The following SYCP1 variants were observed in gnomAD, a reference collection of about 807,000 sequenced individuals.
SYCP1 encodes the protein cancer/testis antigen 8.
In SYCP1, 64 loss-of-function variants were observed where a neutral mutation model predicts 153.1. That is an observed-to-expected ratio of 0.42 (90% CI 0.34 to 0.51). SYCP1 has a LOEUF of 0.51. Among genes scored for constraint, SYCP1 ranks in the 20% least tolerant of loss-of-function variants. The pLI is 0.06. For missense variants in SYCP1, 997 were observed against 1,049.0 expected, an observed-to-expected ratio of 0.95 and a Z score of 0.68; for synonymous variants, 384 against 341.8, an observed-to-expected ratio of 1.12 and a Z score of -1.36.
intron 15 of SYCP1, among the ~76,000 whole-genome samples, chr1:114,892,459 C>T (rs985121827): frequency 2.0e-5 from 3 of 152,162 alleles, no homozygotes; most frequent in Non-Finnish European, 4.4e-5. Context: ...GTACTCAGGG[C>T]ATGTGACCCC....
intron 22 of SYCP1, 76 bp from the exon 23 acceptor site, chr1:114,926,425 A>G: frequency 6.7e-7 from 1 of 1,491,276 alleles, no homozygotes; most frequent in East Asian, 2.5e-5. Context: ...TTCCTTTAGT[A>G]ATTTAAGTCT....
At chr1:114,894,790 A>G (rs1666949916) in intron 15 of SYCP1, among the ~76,000 whole-genome samples, 1 of 152,108 alleles carries the variant, frequency 6.6e-6, no homozygotes, top group Non-Finnish European at 1.5e-5. Flanking sequence ...TAAGATGACA[A>G]TTTTATTATT....
At chr1:114,881,766 TC>T (rs1422157797) in intron 12 of SYCP1, among the ~76,000 whole-genome samples, 2 of 152,158 alleles carry the variant, frequency 1.3e-5, no homozygotes, top group Non-Finnish European at 2.9e-5. Flanking sequence ...CTTCCCAAAG[TC>T]CTGGGATTAC....
intron 27 of SYCP1, among the ~76,000 whole-genome samples, chr1:114,951,356 G>C (rs995216618): frequency 6.6e-6 from 1 of 151,998 alleles, no homozygotes; most frequent in African/African-American, 2.4e-5. Context: ...TGAAAAAAAT[G>C]CCATATTAGC....
At chr1:114,898,653 C>T (rs894202528) in intron 16 of SYCP1, among the ~76,000 whole-genome samples, 16 of 152,104 alleles carry the variant, frequency 1.1e-4, no homozygotes, top group African/African-American at 3.9e-4. Flanking sequence ...TCTCTCTCTC[C>T]AGTCCTCATT....
At chr1:114,977,468 T>A (rs1672874009) in intron 27 of SYCP1, 89 bp from the exon 28 acceptor site, 1 of 829,396 alleles carries the variant, frequency 1.2e-6, no homozygotes, top group East Asian at 3.2e-5. Flanking sequence ...TCTTTCTTTG[T>A]TAATACTTAC....
intron 25 of SYCP1, among the ~76,000 whole-genome samples, 172 bp downstream of exon 25, chr1:114,945,154 T>G (rs1478054777): frequency 2.0e-5 from 3 of 151,986 alleles, no homozygotes; most frequent in Non-Finnish European, 4.4e-5. Flanking sequence ...GTTCAGATCT[T>G]AACCATACAA....
intron 23 of SYCP1, 74 bp from the exon 24 acceptor site, chr1:114,944,264 AC>A: frequency 1.1e-6 from 1 of 870,362 alleles, no homozygotes; most frequent in South Asian, 1.7e-5. Context: ...TCACAAAACC[AC>A]AAAATGAATA....
intron 27 of SYCP1, among the ~76,000 whole-genome samples, chr1:114,951,812 C>A (rs115336820): frequency 2.0e-5 from 3 of 152,078 alleles, no homozygotes; most frequent in Admixed American, 1.3e-4. Flanking sequence ...CTCCCTCCCC[C>A]ACCCCTGGCA....
chr1:114,864,504 G>T (rs1664598707), intron 8 of SYCP1, among the ~76,000 whole-genome samples: 1 of 151,638 alleles, frequency 6.6e-6, no homozygotes, highest in African/African-American at 2.4e-5. Flanking sequence ...TTTTTGATGG[G>T]GGGTGGGGTG....
At chr1:114,964,996 C>T (rs912292359) in intron 27 of SYCP1, among the ~76,000 whole-genome samples, 1 of 152,166 alleles carries the variant, frequency 6.6e-6, no homozygotes, top group Non-Finnish European at 1.5e-5. Context: ...TATCCATGAG[C>T]ATGGAATGTT....
At chr1:114,983,882 T>A (rs1354576757) in intron 29 of SYCP1, among the ~76,000 whole-genome samples, 1 of 152,036 alleles carries the variant, frequency 6.6e-6, no homozygotes, top group Admixed American at 6.6e-5. Context: ...TTTGTACTGA[T>A]GTCTCTGACC....
At chr1:114,925,375 A>G (rs1314145760) in intron 21 of SYCP1, among the ~76,000 whole-genome samples, 1 of 152,174 alleles carries the variant, frequency 6.6e-6, no homozygotes, top group Non-Finnish European at 1.5e-5. Context: ...TTTTGCCAAT[A>G]TAGAAAATAT....
intron 27 of SYCP1, among the ~76,000 whole-genome samples, chr1:114,955,559 CA>C (rs1671381734): frequency 6.6e-6 from 1 of 152,092 alleles, no homozygotes; most frequent in African/African-American, 2.4e-5. Flanking sequence ...GACTTTTAAA[CA>C]ATAAATTCAA....
intron 20 of SYCP1, among the ~76,000 whole-genome samples, chr1:114,917,549 AC>A (rs1668587255): frequency 1.3e-5 from 2 of 151,686 alleles, no homozygotes; most frequent in Admixed American, 1.3e-4. Flanking sequence ...TTTTTGAGGA[AC>A]CTCCAAGCCA....
At chr1:114,878,628 C>T (rs1473781706) in intron 12 of SYCP1, among the ~76,000 whole-genome samples, 1 of 152,194 alleles carries the variant, frequency 6.6e-6, no homozygotes, top group South Asian at 2.1e-4. Flanking sequence ...ACTGCAACCT[C>T]TGCCTCCCGA....
At chr1:114,886,435 T>A in intron 14 of SYCP1, 126 bp downstream of exon 14, 1 of 760,950 alleles carries the variant, frequency 1.3e-6, no homozygotes, top group Non-Finnish European at 1.9e-6. Context: ...TGTAGTCAGG[T>A]CTCATGTATA....
At chr1:114,939,262 G>C (rs186782878) in intron 23 of SYCP1, among the ~76,000 whole-genome samples, 3 of 152,226 alleles carry the variant, frequency 2.0e-5, no homozygotes, top group African/African-American at 7.2e-5. Flanking sequence ...AACTAAACAT[G>C]CATCTACTGT....
At chr1:114,948,433 T>G (rs1002656616) in intron 27 of SYCP1, among the ~76,000 whole-genome samples, 1 of 152,224 alleles carries the variant, frequency 6.6e-6, no homozygotes, top group African/African-American at 2.4e-5. Context: ...GCTTCAAACC[T>G]ATTCTCTTAA....
Sources: gnomAD v4.1 joint callset for allele counts (sites outside exome capture counted in the v4.1 genomes callset) on GRCh38, gnomAD v4.1.1 for gene constraint, MANE v1.5 for transcripts, NCBI Gene and HGNC (gene_info 2026-07-23, HGNC 2026-07-21) for gene names.